Variants in RORA observed in about 807,000 individuals in gnomAD.
The protein encoded by RORA is RAR related orphan receptor A, also known as nuclear receptor ROR-alpha.
In RORA, 7 loss-of-function variants were observed where a neutral mutation model predicts 69.5. The ratio of observed to expected loss-of-function variants is 0.10; its 90% CI spans 0.06 to 0.19. RORA has a LOEUF of 0.19. Ranked by LOEUF, RORA falls within the 10% of genes least tolerant of loss-of-function variation. The probability of loss-of-function intolerance (pLI) is 1.00; values close to 1 mark genes in which losing one functional copy is unlikely to be tolerated. For synonymous variants in RORA, 261 were observed against 240.8 expected, an observed-to-expected ratio of 1.08 and a Z score of -0.78; for missense variants, 457 against 663.0, an observed-to-expected ratio of 0.69 and a Z score of 3.41.
At chr15:61,049,497 T>C (rs1297450410) in intron 1 of RORA, among the ~76,000 whole-genome samples, 2 of 152,132 alleles carry the variant, frequency 1.3e-5, no homozygotes, top group South Asian at 2.1e-4. Flanking sequence ...AGGTGGACTT[T>C]TGTGAGTCAA....
chr15:60,851,976 T>A (rs1468127763), intron 1 of RORA, among the ~76,000 whole-genome samples: 1 of 152,156 alleles, frequency 6.6e-6, no homozygotes, highest in Non-Finnish European at 1.5e-5. Context: ...CTCCAAGGTA[T>A]CCATGTGTGC....
At chr15:61,021,776 T>C (rs1402831285) in intron 1 of RORA, among the ~76,000 whole-genome samples, 3 of 152,200 alleles carry the variant, frequency 2.0e-5, no homozygotes, top group Non-Finnish European at 4.4e-5. Context: ...GGAAGCACTA[T>C]CAATAATTAC....
intron 1 of RORA, among the ~76,000 whole-genome samples, chr15:60,680,170 A>G (rs2070622415): frequency 6.6e-6 from 1 of 152,206 alleles, no homozygotes; most frequent in Non-Finnish European, 1.5e-5. Flanking sequence ...AAATTGATAC[A>G]TTAGTGCACT....
chr15:60,712,431 C>T (rs779098487), intron 1 of RORA, among the ~76,000 whole-genome samples: 1 of 152,176 alleles, frequency 6.6e-6, no homozygotes, highest in East Asian at 1.9e-4. Context: ...GTCAACATAA[C>T]CCACAGCACT....
chr15:60,808,394 TA>T (rs201328798), intron 1 of RORA, among the ~76,000 whole-genome samples: 249 of 152,074 alleles, frequency 1.6e-3, no homozygotes, highest in African/African-American at 4.8e-3. Context: ...ATGGACATAA[TA>T]AAAAAAATTT....
intron 1 of RORA, among the ~76,000 whole-genome samples, chr15:60,995,227 AGT>A: frequency 6.6e-6 from 1 of 152,028 alleles, no homozygotes; most frequent in Admixed American, 6.5e-5. Context: ...CAGCTGAGCC[AGT>A]GCAGCTGGCT....
intron 1 of RORA, among the ~76,000 whole-genome samples, chr15:60,775,704 A>C (rs539829705): frequency 1.3e-5 from 2 of 152,344 alleles, no homozygotes; most frequent in African/African-American, 4.8e-5. Flanking sequence ...GGGGGAAACA[A>C]CGGTCTCTTT....
rs558481941 is a variant in RORA, at chr15:61,177,667, G to A, written c.166+51386C>T. Among the ~76,000 whole-genome samples, 9 of 152,104 alleles carry A rather than the reference G, an allele frequency of 5.9e-5. No individual in the cohort carries two copies. The East Asian group carries it at 7.7e-4, about 13-fold the overall frequency. On this transcript the variant is annotated intron_variant, in intron 1 of 10. Transcript: ENST00000335670. The stretch of plus-strand genomic sequence containing the variant: ...AAAAATAAAAAACAAGAAAGGAACC[G>A]GAGGCCGGTGCAGTTGCTCACGCCT...
At chr15:60,520,992 T>C (rs1055910690) in intron 3 of RORA, among the ~76,000 whole-genome samples, 9 of 152,110 alleles carry the variant, frequency 5.9e-5, no homozygotes, top group East Asian at 5.8e-4. Flanking sequence ...CATGCAGCTA[T>C]TGCAAATAGA....
intron 1 of RORA, among the ~76,000 whole-genome samples, chr15:61,223,092 T>C (rs2080114085): frequency 1.3e-5 from 2 of 151,986 alleles, no homozygotes; most frequent in South Asian, 2.1e-4. Flanking sequence ...GGCGGGTGGA[T>C]TGTCTAAGCT....
chr15:61,166,167 A>T (rs891266023), intron 1 of RORA, among the ~76,000 whole-genome samples: 6 of 151,990 alleles, frequency 3.9e-5, no homozygotes, highest in Admixed American at 1.3e-4. Flanking sequence ...TTTTTTTTTT[A>T]AAAGACTGAA....
At chr15:60,971,122 A>C in intron 1 of RORA, among the ~76,000 whole-genome samples, 1 of 152,196 alleles carries the variant, frequency 6.6e-6, no homozygotes, top group East Asian at 1.9e-4. Context: ...AAGAGTCCAA[A>C]ATGTCACCCA....
intron 1 of RORA, among the ~76,000 whole-genome samples, chr15:60,920,578 TGACA>T (rs988132307): frequency 1.4e-4 from 22 of 152,138 alleles, no homozygotes; most frequent in Non-Finnish European, 2.9e-4. Flanking sequence ...CACTAAGATA[TGACA>T]GATGTGGATT....
intron 1 of RORA, among the ~76,000 whole-genome samples, chr15:60,988,864 C>T (rs1206333148): frequency 6.6e-6 from 1 of 151,988 alleles, no homozygotes; most frequent in Admixed American, 6.6e-5. Context: ...GTTGAAACTA[C>T]TATGATCTCA....
chr15:61,048,909 C>T (rs1897167948), intron 1 of RORA, among the ~76,000 whole-genome samples: 1 of 152,150 alleles, frequency 6.6e-6, no homozygotes, highest in African/African-American at 2.4e-5. Context: ...ACCTTTGAAC[C>T]TCTTCCTCCA....
At chr15:60,898,143 C>T (rs894755419) in intron 1 of RORA, among the ~76,000 whole-genome samples, 1 of 152,180 alleles carries the variant, frequency 6.6e-6, no homozygotes, top group African/African-American at 2.4e-5. Context: ...GAATACTTTT[C>T]TCCACTTTAC....
At chr15:60,962,026 G>A (rs1287710261) in intron 1 of RORA, among the ~76,000 whole-genome samples, 1 of 152,238 alleles carries the variant, frequency 6.6e-6, no homozygotes. Flanking sequence ...AGGTGCCCCG[G>A]TCCTGACCGA....
At chr15:60,714,721 G>T (rs2071197594) in intron 1 of RORA, among the ~76,000 whole-genome samples, 1 of 152,096 alleles carries the variant, frequency 6.6e-6, no homozygotes, top group Admixed American at 6.5e-5. Context: ...GTGTTTAAGG[G>T]GGATCTTGGG....
chr15:60,978,226 T>C (rs1230194803), intron 1 of RORA, among the ~76,000 whole-genome samples: 2 of 152,362 alleles, frequency 1.3e-5, no homozygotes, highest in East Asian at 3.9e-4. Context: ...AGTACCTTAC[T>C]GTGGTTTTGA....
Sources: allele counts gnomAD v4.1 joint callset (sites outside exome capture counted in the v4.1 genomes callset), GRCh38; gene constraint gnomAD v4.1.1; transcripts MANE v1.5; gene names NCBI Gene and HGNC (gene_info 2026-07-23, HGNC 2026-07-21).